The following ZNF66 variants were observed in gnomAD, a reference collection of about 807,000 sequenced individuals.
ZNF66 encodes zinc finger protein 66.
In ZNF66, 32 loss-of-function variants were observed where a neutral mutation model predicts 35.2. That is an observed-to-expected ratio of 0.91 (90% CI 0.69 to 1.22). ZNF66 has a LOEUF of 1.22. Among genes scored for constraint, ZNF66 ranks in the 50% most tolerant of loss-of-function variants. The pLI, the probability that ZNF66 is intolerant of heterozygous loss-of-function variation, is 0.00. For synonymous variants in ZNF66, 231 were observed against 181.3 expected, an observed-to-expected ratio of 1.27 and a Z score of -2.20; for missense variants, 666 against 543.1, an observed-to-expected ratio of 1.23 and a Z score of -2.25.
In ZNF66 at chr19:20,807,766, C is replaced by T. The variant is rs1330665979; in HGVS notation, c.*444C>T. ...GCTGAATAGGTACAGCTCCTGTCTA[C>T]AGCTCCCAGCCTGAGCGACGCAGAA... On this transcript the variant is annotated 3_prime_UTR_variant, in exon 4 of 4. Coordinates refer to ENST00000344519, the MANE Select transcript of ZNF66 (RefSeq NM_001355197.2). Among the ~76,000 whole-genome samples the T allele has an allele frequency of 6.6e-6, 1 of 152,044 alleles. No homozygotes were observed. Among genetic ancestry groups the T allele is most frequent in the Non-Finnish European group, 1.5e-5 (1 of 68,024 alleles).
rs889872828 is a variant in ZNF66 at position 20,808,041 on chromosome 19, A to G, written c.*719A>G. On this transcript the variant is annotated 3_prime_UTR_variant, in exon 4 of 4. Transcript: ENST00000344519. ...TGCGCAATTCCAATGGGCTTAAAAA[A>G]TGGCACACCAGATTATATCCTGCAG... Among the ~76,000 whole-genome samples, 6 of 152,208 alleles carry G rather than the reference A, an allele frequency of 3.9e-5. No homozygotes were observed. The highest frequency in any genetic ancestry group is 1.4e-4 in the African/African-American group (6 of 41,460).
At chr19:20,785,348 A>G (rs539271415) in intron 1 of ZNF66, among the ~76,000 whole-genome samples, 3 of 152,338 alleles carry the variant, frequency 2.0e-5, no homozygotes, top group African/African-American at 7.2e-5. Flanking sequence ...GTAAATAGCC[A>G]AAGAGAGAAT....
intron 1 of ZNF66, among the ~76,000 whole-genome samples, chr19:20,778,465 A>G (rs67340034): frequency 0.093 from 14,153 of 152,228 alleles, 666 homozygotes; most frequent in Middle Eastern, 0.11. Flanking sequence ...GTAGATATAT[A>G]TGCTTTTCTT....
intron 3 of ZNF66, chr19:20,799,065 C>CTTTTTTTTTTTTTTTTTT (rs746296804): frequency 1.6e-5 from 2 of 128,152 alleles, no homozygotes; most frequent in African/African-American, 3.0e-5. Context: ...TTCTTTCTTT[C>CTTTTTTTTTTTTTTTTTT]TTTTTTTTTT....
Position 20,808,295 on chromosome 19 carries a change from C to T in ZNF66, c.*973C>T, listed in dbSNP as rs1451568428. ...TGGGGTCAGGGCACAGACAAAAAGACAGCAGTAACCTCTGCAGACTTAAAC... is the reference window on the plus strand; with the variant it reads ...TGGGGTCAGGGCACAGACAAAAAGATAGCAGTAACCTCTGCAGACTTAAAC... On this transcript the variant is annotated 3_prime_UTR_variant, in exon 4 of 4. Transcript: ENST00000344519. 6.6e-6 allele frequency among the ~76,000 whole-genome samples: 1 copy of T among 152,220 alleles called. No homozygotes were observed. Among genetic ancestry groups the T allele is most frequent in the Non-Finnish European group, 1.5e-5 (1 of 68,040 alleles).
intron 2 of ZNF66, 50 bp from the exon 3 acceptor site, chr19:20,793,733 T>A (rs540397293): frequency 3.0e-6 from 2 of 677,468 alleles, no homozygotes; most frequent in South Asian, 3.5e-5. Flanking sequence ...TACTAGCTTG[T>A]AATTGGAGAA....
intron 1 of ZNF66, among the ~76,000 whole-genome samples, chr19:20,779,737 A>C (rs535662498): frequency 6.9e-6 from 1 of 145,494 alleles, no homozygotes; most frequent in Non-Finnish European, 1.5e-5. Flanking sequence ...GACCAGCCTG[A>C]CCAACATGGA....
intron 3 of ZNF66, among the ~76,000 whole-genome samples, chr19:20,797,842 A>T (rs1971410168): frequency 6.6e-6 from 1 of 152,126 alleles, no homozygotes; most frequent in African/African-American, 2.4e-5. Flanking sequence ...GATTACAGTT[A>T]TGATCCACTG....
At chr19:20,788,189 G>T (rs1185732374) in intron 1 of ZNF66, among the ~76,000 whole-genome samples, 1 of 152,086 alleles carries the variant, frequency 6.6e-6, no homozygotes, top group Non-Finnish European at 1.5e-5. Flanking sequence ...AGATAAACTA[G>T]TTGCTTCAAT....
In ZNF66 at chr19:20,807,037, G is replaced by GGCCT. The variant is rs1434344657; in HGVS notation, c.1437_1438insGCCT (p.Pro480AlafsTer6). On this transcript the variant is annotated frameshift_variant, in exon 4 of 4. Transcript: ENST00000344519. LOFTEE classifies it high-confidence loss of function. ...ACAAGAAAATTCATACTGGAGAGAA[G>GGCCT]CCTTACAAATGTGAAGAATGTGGCA... is the stretch of plus-strand genomic sequence containing the variant. The GGCCT allele has an allele frequency of 1.2e-6, 1 of 847,420 alleles. No individual in the cohort carries two copies. The highest frequency in any genetic ancestry group is 1.7e-5 in the African/African-American group (1 of 59,574). 52.5% of individuals were successfully genotyped at this position (847,420 alleles called of 1,614,324 possible). A position where few individuals can be genotyped will look rare whatever the true frequency, so the allele number is the denominator to read the frequency against.
rs1162925381 is a variant in ZNF66, at chr19:20,792,498, T to C, written c.4-14T>C. On this transcript the variant is annotated splice_polypyrimidine_tract_variant and intron_variant, in intron 1 of 3. Coordinates refer to ENST00000344519, the MANE Select transcript of ZNF66 (RefSeq NM_001355197.2). ...TAACCACTTGGTGAAAATGTGTGTG[T>C]GTATATTTTTCAGGGGCCATTGCAA... is the stretch of plus-strand genomic sequence containing the variant. 5 of 1,501,212 alleles carry C rather than the reference T, an allele frequency of 3.3e-6. No homozygotes were observed. Among genetic ancestry groups the C allele is most frequent in the Middle Eastern group, 3.5e-4 (2 of 5,752 alleles). 93.0% of individuals were successfully genotyped at this position (1,501,212 alleles called of 1,614,324 possible). A position where few individuals can be genotyped will look rare whatever the true frequency, so the allele number is the denominator to read the frequency against.
Position 20,776,410 on chromosome 19 carries a change from C to G in ZNF66, c.-38C>G. ...CTGTGTCCTGCAGGTATTGGGAGAT[C>G]CACAGCTAAGACGCCAGGACCCCCT... On this transcript the variant is annotated 5_prime_UTR_variant, in exon 1 of 4. It adds an upstream start codon to the 5' untranslated region. Coordinates refer to ENST00000344519, the MANE Select transcript of ZNF66 (RefSeq NM_001355197.2). 1 of 1,555,642 alleles carries G rather than the reference C, an allele frequency of 6.4e-7. No homozygotes were observed. The highest frequency in any genetic ancestry group is 8.9e-7 in the Non-Finnish European group (1 of 1,128,830).
At chr19:20,779,909 C>T (rs1971230280) in intron 1 of ZNF66, among the ~76,000 whole-genome samples, 4 of 141,858 alleles carry the variant, frequency 2.8e-5, no homozygotes, top group South Asian at 2.3e-4. Flanking sequence ...GCCTGGGCAA[C>T]GAGAGTGAAA....
Position 20,808,164 on chromosome 19 carries a change from G to T in ZNF66, c.*842G>T, listed in dbSNP as rs1046926405. ...GCAGCAGCGAGGCTGGGGGAGGAGCGCCTGCCATTGCCCAGGCTTGCTTAG... is the reference window on the plus strand; with the variant it reads ...GCAGCAGCGAGGCTGGGGGAGGAGCTCCTGCCATTGCCCAGGCTTGCTTAG... On this transcript the variant is annotated 3_prime_UTR_variant, in exon 4 of 4. Transcript: ENST00000344519. 6.6e-6 allele frequency among the ~76,000 whole-genome samples: 1 copy of T among 152,196 alleles called. No individual in the cohort carries two copies. Among genetic ancestry groups the T allele is most frequent in the East Asian group, 1.9e-4 (1 of 5,182 alleles).
intron 3 of ZNF66, chr19:20,799,128 C>T (rs1971424942): frequency 2.8e-5 from 4 of 140,644 alleles, no homozygotes; most frequent in African/African-American, 1.1e-4. Flanking sequence ...GTGGTGCGAT[C>T]TCAGCTCACT....
At chr19:20,800,022 A>T (rs1179508297) in intron 3 of ZNF66, among the ~76,000 whole-genome samples, 2 of 152,090 alleles carry the variant, frequency 1.3e-5, no homozygotes, top group African/African-American at 4.8e-5. Flanking sequence ...TTTTAAAGTG[A>T]TTGGTTGTTG....
In ZNF66 at chr19:20,805,923, A is replaced by T. The variant is rs747282494; in HGVS notation, c.323A>T (p.His108Leu). Residue 108 changes from histidine to leucine, a missense_variant, in exon 4 of 4, where the codon CAT becomes CTT. Physicochemically the swap from His to Leu is moderately conservative, Grantham distance 99 (BLOSUM62 -3). Coordinates refer to ENST00000344519, the MANE Select transcript of ZNF66 (RefSeq NM_001355197.2). ...LILRRHKKCG[H>L]DNLQLKKGCE... ...CTGAGAAGGCATAAAAAATGTGGACATGATAATTTGCAGTTAAAAAAAGGC... is the reference window on the plus strand; with the variant it reads ...CTGAGAAGGCATAAAAAATGTGGACTTGATAATTTGCAGTTAAAAAAAGGC... 18 of 678,674 alleles carry T rather than the reference A, an allele frequency of 2.7e-5. No individual in the cohort carries two copies. The Admixed American group carries it at 2.9e-4, about 11-fold the overall frequency. 42.0% of individuals were successfully genotyped at this position (678,674 alleles called of 1,614,324 possible).
At chr19:20,801,338 C>CATTTT (rs924484396) in intron 3 of ZNF66, among the ~76,000 whole-genome samples, 3 of 150,126 alleles carry the variant, frequency 2.0e-5, no homozygotes, top group African/African-American at 7.4e-5. Context: ...ATTTATTATT[C>CATTTT]ATTTTATTTT....
chr19:20,794,262 G>A (rs533810396), intron 3 of ZNF66: 7 of 203,914 alleles, frequency 3.4e-5, no homozygotes, highest in African/African-American at 1.2e-4. Context: ...TTTTGTATCC[G>A]GTCTGAAATT....
Sources: allele counts gnomAD v4.1 joint callset (sites outside exome capture counted in the v4.1 genomes callset), GRCh38; gene constraint gnomAD v4.1.1; transcripts MANE v1.5; gene names NCBI Gene and HGNC (gene_info 2026-07-23, HGNC 2026-07-21).